The following ANKS1B variants were observed in gnomAD, a reference collection of about 807,000 sequenced individuals.
ANKS1B encodes ankyrin repeat and sterile alpha motif domain-containing protein 1B.
In ANKS1B, 36 loss-of-function variants were observed where a neutral mutation model predicts 148.3. The ratio of observed to expected loss-of-function variants is 0.24; its 90% confidence interval spans 0.19 to 0.32. The LOEUF is 0.32. ANKS1B is among the 10% of genes least tolerant of loss of function. ANKS1B has a pLI of 1.00. For synonymous variants in ANKS1B, 542 were observed against 560.8 expected, an observed-to-expected ratio of 0.97 and a Z score of 0.47; for missense variants, 1,157 against 1,542.6, an observed-to-expected ratio of 0.75 and a Z score of 4.19.
intron 17 of ANKS1B, among the ~76,000 whole-genome samples, chr12:98,956,922 T>C (rs1403506): frequency 0.27 from 40,369 of 152,058 alleles, 5,898 homozygotes; most frequent in African/African-American, 0.38. Context: ...TCCTACCAGC[T>C]ACTTAAAGAA....
chr12:99,319,308 T>C (rs190700457), intron 12 of ANKS1B, among the ~76,000 whole-genome samples: 34 of 152,282 alleles, frequency 2.2e-4, no homozygotes, highest in Non-Finnish European at 2.9e-5. Context: ...GGAGTCTAAG[T>C]CTCTTTGTAG....
chr12:99,084,092 G>T (rs1398508374), intron 16 of ANKS1B, among the ~76,000 whole-genome samples: 1 of 152,174 alleles, frequency 6.6e-6, no homozygotes, highest in South Asian at 2.1e-4. Context: ...ATCTGGACTA[G>T]GAGGGCCTAT....
chr12:99,831,659 ACAGCAT>A (rs1191209563), intron 1 of ANKS1B, among the ~76,000 whole-genome samples: 1 of 151,516 alleles, frequency 6.6e-6, no homozygotes, highest in African/African-American at 2.4e-5. Flanking sequence ...TATGAGACCC[ACAGCAT>A]CAGTGTCTTA....
intron 14 of ANKS1B, among the ~76,000 whole-genome samples, chr12:99,218,077 G>A (rs962160494): frequency 5.8e-4 from 88 of 152,270 alleles, no homozygotes; most frequent in African/African-American, 2.0e-3. Flanking sequence ...CCAAGGATGT[G>A]AGGGGACTAT....
At chr12:98,791,330 CA>C (rs557408637) in intron 22 of ANKS1B, among the ~76,000 whole-genome samples, 394 of 118,056 alleles carry the variant, frequency 3.3e-3, no homozygotes, top group Admixed American at 4.8e-3. Flanking sequence ...GGGAGACAGT[CA>C]AAAAAAAAAA....
intron 12 of ANKS1B, among the ~76,000 whole-genome samples, chr12:99,278,817 T>G (rs568182382): frequency 6.6e-6 from 1 of 152,366 alleles, no homozygotes; most frequent in African/African-American, 2.4e-5. Context: ...CCTGAAAATA[T>G]GAAAGGAAAA....
intron 1 of ANKS1B, among the ~76,000 whole-genome samples, chr12:99,878,516 A>C (rs1346342642): frequency 6.6e-6 from 1 of 152,168 alleles, no homozygotes; most frequent in Non-Finnish European, 1.5e-5. Context: ...CAGTCCTAGC[A>C]ATTTTCCTTT....
At chr12:99,501,202 T>G (rs146363911) in intron 10 of ANKS1B, among the ~76,000 whole-genome samples, 3,138 of 152,284 alleles carry the variant, frequency 0.021, 39 homozygotes, top group Middle Eastern at 0.041. Flanking sequence ...ATAGTCTACA[T>G]CTACTAATTC....
intron 12 of ANKS1B, among the ~76,000 whole-genome samples, chr12:99,319,775 T>G (rs1014731827): frequency 2.6e-5 from 4 of 152,252 alleles, no homozygotes; most frequent in African/African-American, 9.6e-5. Flanking sequence ...TGATGCACTT[T>G]CTTCCTAGCA....
chr12:99,429,516 T>C (rs2095327155), intron 11 of ANKS1B, among the ~76,000 whole-genome samples: 1 of 152,364 alleles, frequency 6.6e-6, no homozygotes, highest in South Asian at 2.1e-4. Context: ...GAATGTATGA[T>C]TCTAAACTAG....
At chr12:99,555,863 T>C (rs1161849108) in intron 9 of ANKS1B, among the ~76,000 whole-genome samples, 1 of 152,180 alleles carries the variant, frequency 6.6e-6, no homozygotes, top group Non-Finnish European at 1.5e-5. Context: ...TTTTTGCATC[T>C]ATGTTCATCA....
chr12:99,499,560 G>C (rs990075236), intron 10 of ANKS1B, among the ~76,000 whole-genome samples: 3 of 152,150 alleles, frequency 2.0e-5, no homozygotes, highest in African/African-American at 4.8e-5. Flanking sequence ...GCAGGCTTTT[G>C]ACTACAATGG....
At chr12:99,723,716 G>C (rs2058334623) in intron 8 of ANKS1B, among the ~76,000 whole-genome samples, 1 of 152,178 alleles carries the variant, frequency 6.6e-6, no homozygotes, top group Non-Finnish European at 1.5e-5. Context: ...GGGGTTGTCA[G>C]ACATCCTATA....
At chr12:98,884,239 TTC>T (rs998365550) in intron 17 of ANKS1B, among the ~76,000 whole-genome samples, 3 of 152,246 alleles carry the variant, frequency 2.0e-5, no homozygotes, top group Admixed American at 6.5e-5. Context: ...TTTAAATATT[TTC>T]TCTGAGTTAC....
chr12:99,348,044 C>G (rs530439600), intron 12 of ANKS1B, among the ~76,000 whole-genome samples: 3 of 151,828 alleles, frequency 2.0e-5, no homozygotes, highest in Admixed American at 6.6e-5. Context: ...AAGTATAATA[C>G]TGAAATAAAA....
intron 17 of ANKS1B, among the ~76,000 whole-genome samples, chr12:98,896,450 G>A (rs2099764736): frequency 6.6e-6 from 1 of 152,106 alleles, no homozygotes; most frequent in Admixed American, 6.6e-5. Flanking sequence ...TTAAAAAAAA[G>A]GCTTAGATCT....
intron 16 of ANKS1B, among the ~76,000 whole-genome samples, chr12:99,075,714 A>C (rs2047623116): frequency 6.6e-6 from 1 of 151,262 alleles, no homozygotes; most frequent in South Asian, 2.1e-4. Flanking sequence ...TATTATCAGC[A>C]TCTTGTGTCT....
rs543354497 is a variant in ANKS1B, at chr12:98,957,471, C to A, written c.2778+95686G>T. ...CACGCCATGCTCCTGCCTTAGCCTT[C>A]TGAGTAGCTGGGACTACAGGTGCCC... On this transcript the variant is annotated intron_variant, in intron 17 of 26. Transcript: ENST00000683438. Among the ~76,000 whole-genome samples the A allele has an allele frequency of 2.0e-4, 30 of 152,100 alleles. 1 individual carries two copies. The East Asian group carries it at 4.3e-3, about 22-fold the overall frequency.
At chr12:99,902,355 G>A (rs563550331) in intron 1 of ANKS1B, among the ~76,000 whole-genome samples, 2 of 152,258 alleles carry the variant, frequency 1.3e-5, no homozygotes, top group South Asian at 2.1e-4. Context: ...AAGTGAGAAG[G>A]GGGTAAAATA....
Sources: gnomAD v4.1 joint callset for allele counts (sites outside exome capture counted in the v4.1 genomes callset) on GRCh38, gnomAD v4.1.1 for gene constraint, MANE v1.5 for transcripts, NCBI Gene and HGNC (gene_info 2026-07-23, HGNC 2026-07-21) for gene names.